Variants in COL18A1 observed in about 807,000 individuals in gnomAD.
COL18A1 encodes collagen alpha-1(XVIII) chain.
A neutral mutation model predicts 168.0 loss-of-function variants in COL18A1; 133 were observed. The observed-to-expected ratio is 0.79, with a 90% CI of 0.69 to 0.91. The LOEUF is 0.91. COL18A1 is among the 40% of genes least tolerant of loss of function. The pLI is 0.00. For missense variants in COL18A1, 2,126 were observed against 1,925.4 expected, an observed-to-expected ratio of 1.10 and a Z score of -1.95; for synonymous variants, 949 against 809.0, an observed-to-expected ratio of 1.17 and a Z score of -2.94.
chr21:45,509,437 C>G lies in COL18A1; in HGVS notation c.3331C>G (p.Pro1111Ala). The G allele has an allele frequency of 3.9e-6, 6 of 1,534,680 alleles. No individual in the cohort carries two copies. Among genetic ancestry groups the G allele is most frequent in the Non-Finnish European group, 5.3e-6 (6 of 1,141,876 alleles). The stretch of plus-strand genomic sequence containing the variant: ...CTACCCGCGGCGGGAGCACCCCCAC[C>G]CCACCGCGCGGCCCTGGCGGGCAGA... Reference protein sequence around the residue: ...NPYPRREHPHPTARPWRADDI... With the variant: ...NPYPRREHPHATARPWRADDI... Residue 1111 changes from proline to alanine, a missense_variant, in exon 39 of 42, where the codon CCC becomes GCC. Transcript: ENST00000651438.
intron 2 of COL18A1, among the ~76,000 whole-genome samples, chr21:45,428,318 G>A (rs930141331): frequency 2.0e-5 from 3 of 152,150 alleles, no homozygotes; most frequent in South Asian, 2.1e-4. Context: ...CAGCTGACCC[G>A]GCGTGCAGGG....
intron 32 of COL18A1, 51 bp from the exon 33 acceptor site, chr21:45,503,960 G>C: frequency 6.2e-7 from 1 of 1,609,576 alleles, no homozygotes; most frequent in Non-Finnish European, 8.5e-7. Flanking sequence ...GAGGGAACCC[G>C]GCGCTGTCAG....
chr21:45,440,154 C>CGGCTGT (rs567265253), intron 2 of COL18A1, among the ~76,000 whole-genome samples: 177 of 152,356 alleles, frequency 1.2e-3, no homozygotes, highest in African/African-American at 4.0e-3. Context: ...GTCGGAACGT[C>CGGCTGT]GGCTGTGGCT....
intron 32 of COL18A1, among the ~76,000 whole-genome samples, chr21:45,503,753 TCA>T (rs2037006573): frequency 2.6e-5 from 4 of 151,814 alleles, no homozygotes; most frequent in Non-Finnish European, 5.9e-5. Flanking sequence ...AACCTGCACA[TCA>T]TGCACATGTA....
intron 2 of COL18A1, among the ~76,000 whole-genome samples, chr21:45,447,855 T>C (rs2034536547): frequency 6.6e-6 from 1 of 152,154 alleles, no homozygotes; most frequent in Non-Finnish European, 1.5e-5. Context: ...AAGCAGGAGA[T>C]GTCGGTGAGC....
intron 2 of COL18A1, chr21:45,467,194 C>A: frequency 1.0e-6 from 1 of 964,878 alleles, no homozygotes; most frequent in Non-Finnish European, 1.2e-6. Context: ...GGTGCTGCCC[C>A]CCTCCCGTGG....
chr21:45,476,497 ATGTGGTGTGTGTGTGG>A lies in COL18A1; in HGVS notation c.928+23_928+38del, dbSNP rs754244012. On this transcript the variant is annotated intron_variant, in intron 6 of 41. Coordinates refer to ENST00000651438, the MANE Select transcript of COL18A1 (RefSeq NM_001379500.1). ...CGTTAGGAGGTAAGCTCTTTTCTGG[ATGTGGTGTGTGTGTGG>A]TGTGGGGTGTGTGTGGTGTGTAACG... is the stretch of plus-strand genomic sequence containing the variant. 2.2e-5 allele frequency: 35 copies of A among 1,585,404 alleles called. No individual in the cohort carries two copies. Among genetic ancestry groups the A allele is most frequent in the Middle Eastern group, 1.7e-4 (1 of 6,046 alleles).
chr21:45,449,469 C>G (rs1010611865), intron 2 of COL18A1, among the ~76,000 whole-genome samples: 24 of 152,272 alleles, frequency 1.6e-4, no homozygotes, highest in African/African-American at 5.8e-4. Flanking sequence ...ACGGCTGAGT[C>G]CAGGAATGTA....
chr21:45,467,391 G>T, intron 2 of COL18A1: 1 of 985,312 alleles, frequency 1.0e-6, no homozygotes, highest in Non-Finnish European at 1.2e-6. Flanking sequence ...GGAGCAGCGG[G>T]GCTGGTGGGG....
intron 2 of COL18A1, among the ~76,000 whole-genome samples, chr21:45,451,668 C>T (rs1227590829): frequency 3.3e-5 from 5 of 152,278 alleles, no homozygotes; most frequent in Middle Eastern, 3.4e-3. Context: ...GAGGGGAAGG[C>T]GGTGGGATTT....
At chr21:45,447,254 A>G (rs2034525416) in intron 2 of COL18A1, among the ~76,000 whole-genome samples, 2 of 151,578 alleles carry the variant, frequency 1.3e-5, no homozygotes, top group African/African-American at 4.8e-5. Flanking sequence ...TTTAAAAGTA[A>G]AAGTTCTAAC....
rs367664040 is a variant in COL18A1, at chr21:45,508,520, G to A, written c.3250-836G>A. Among the ~76,000 whole-genome samples, 17 of 151,726 alleles carry A rather than the reference G, an allele frequency of 1.1e-4. No homozygotes were observed. The East Asian group carries it at 2.9e-3, about 26-fold the overall frequency. On this transcript the variant is annotated intron_variant, in intron 38 of 41. Transcript: ENST00000651438. Reference sequence around the variant, plus strand: ...ATGGATGGTGGGTAAGTGGGTTAGTGGATGGGTGGGTGGATGGATGGGTAG... The same window carrying A: ...ATGGATGGTGGGTAAGTGGGTTAGTAGATGGGTGGGTGGATGGATGGGTAG...
intron 16 of COL18A1, 95 bp downstream of exon 16, chr21:45,487,087 C>T (rs1194709624): frequency 1.6e-6 from 2 of 1,247,728 alleles, no homozygotes; most frequent in Non-Finnish European, 2.2e-6. Flanking sequence ...AGCAGCACGT[C>T]CTGGGCGGTG....
At chr21:45,456,467 G>A in intron 2 of COL18A1, 3 of 1,545,538 alleles carry the variant, frequency 1.9e-6, no homozygotes, top group Non-Finnish European at 2.6e-6. Flanking sequence ...TAACTCTGTG[G>A]GGCCGGGTCT....
rs367841049 is a variant in COL18A1, at chr21:45,490,861, G to C, written c.2057G>C (p.Arg686Pro). The C allele has an allele frequency of 6.5e-7, 1 of 1,549,990 alleles. No individual in the cohort carries two copies. Among genetic ancestry groups the C allele is most frequent in the African/African-American group, 1.4e-5 (1 of 73,028 alleles). Residue 686 changes from arginine (R) to proline (P), a missense_variant, in exon 21 of 42, where the codon CGG (arginine) becomes CCG (proline). Arg to Pro is a moderately radical substitution (Grantham distance 103). Coordinates refer to ENST00000651438, the MANE Select transcript of COL18A1 (RefSeq NM_001379500.1). ...PQGPKGDRGSRGEKGDPGKDG... is the reference protein window; with the variant it reads ...PQGPKGDRGSPGEKGDPGKDG... Reference sequence around the variant, plus strand: ...GGGCCAAAGGGAGACAGAGGCAGCCGGGGAGAAAAGGTGAGTGTCCCTGGG... The same window carrying C: ...GGGCCAAAGGGAGACAGAGGCAGCCCGGGAGAAAAGGTGAGTGTCCCTGGG...
At chr21:45,484,586 A>G (rs955983146) in intron 15 of COL18A1, among the ~76,000 whole-genome samples, 5 of 152,144 alleles carry the variant, frequency 3.3e-5, no homozygotes, top group African/African-American at 1.2e-4. Context: ...TCTCTAGCAT[A>G]CATGCACACA....
rs751212893 is a variant in COL18A1, at chr21:45,476,423, A to G, written c.871A>G (p.Thr291Ala). Residue 291 changes from threonine to alanine, a missense_variant, in exon 6 of 42, where the codon ACG becomes GCG. Physicochemically the swap from Thr to Ala is moderately conservative, Grantham distance 58. Coordinates refer to ENST00000651438, the MANE Select transcript of COL18A1 (RefSeq NM_001379500.1). ...GCCACCCTTGGCTGGAGGCAGCAGCACGGAAGATTCCAGAAGTGAAGAAGT... is the reference window on the plus strand; with the variant it reads ...GCCACCCTTGGCTGGAGGCAGCAGCGCGGAAGATTCCAGAAGTGAAGAAGT... Reference protein sequence around the residue: ...TTPPLAGGSSTEDSRSEEVEE... With the variant: ...TTPPLAGGSSAEDSRSEEVEE... 6.2e-7 allele frequency: 1 copy of G among 1,614,150 alleles called. No homozygotes were observed. The highest frequency in any genetic ancestry group is 8.5e-7 in the Non-Finnish European group (1 of 1,180,018).
chr21:45,489,869 C>T (rs1416375677), intron 19 of COL18A1, among the ~76,000 whole-genome samples: 1 of 64,804 alleles, frequency 1.5e-5, no homozygotes, highest in Non-Finnish European at 3.7e-5. Flanking sequence ...CTTGCCCCTC[C>T]CCCACACCTC....
At chr21:45,451,584 A>G (rs1287999669) in intron 2 of COL18A1, among the ~76,000 whole-genome samples, 1 of 152,048 alleles carries the variant, frequency 6.6e-6, no homozygotes, top group African/African-American at 2.4e-5. Context: ...TTGCTGAGGG[A>G]GTTTGTGGTT....
Sources: gnomAD v4.1 joint callset for allele counts (sites outside exome capture counted in the v4.1 genomes callset) on GRCh38, gnomAD v4.1.1 for gene constraint, MANE v1.5 for transcripts, NCBI Gene and HGNC (gene_info 2026-07-23, HGNC 2026-07-21) for gene names.